DIAPH2: variants seen among roughly 807,000 people sequenced by gnomAD.
The protein encoded by DIAPH2 is protein diaphanous homolog 2.
In DIAPH2, 35 loss-of-function variants were observed where a neutral mutation model predicts 92.7. The ratio of observed to expected loss-of-function variants is 0.38; its 90% CI spans 0.29 to 0.50. The LOEUF is 0.50. Among genes scored for constraint, DIAPH2 ranks in the 20% least tolerant of loss-of-function variants. The probability of loss-of-function intolerance (pLI) is 0.94; values close to 1 mark genes in which losing one functional copy is unlikely to be tolerated. For synonymous variants in DIAPH2, 301 were observed against 280.4 expected, an observed-to-expected ratio of 1.07 and a Z score of -0.73; for missense variants, 701 against 819.5, an observed-to-expected ratio of 0.86 and a Z score of 1.77.
intron 16 of DIAPH2, among the ~76,000 whole-genome samples, chrX:96,958,713 C>T: frequency 9.0e-6 from 1 of 111,408 alleles, no homozygotes; most frequent in African/African-American, 3.3e-5. Context: ...TAACCTATCT[C>T]TCTTCACCCT....
intron 19 of DIAPH2, among the ~76,000 whole-genome samples, chrX:97,098,120 A>C (rs192187982): frequency 2.7e-5 from 3 of 111,907 alleles, no homozygotes; most frequent in African/African-American, 9.7e-5. Flanking sequence ...AAGGGTACTT[A>C]TAGTAGGGGT....
chrX:97,547,694 C>T (rs1431710535), intron 26 of DIAPH2, among the ~76,000 whole-genome samples: 1 of 111,837 alleles, frequency 8.9e-6, no homozygotes, highest in African/African-American at 3.2e-5. Context: ...TTTTCTCCCT[C>T]GTGACGAACA....
At chrX:97,127,403 A>G (rs2067100776) in intron 21 of DIAPH2, among the ~76,000 whole-genome samples, 1 of 112,104 alleles carries the variant, frequency 8.9e-6, no homozygotes, top group African/African-American at 3.2e-5. Flanking sequence ...TGCTGAGGGA[A>G]GTGGAAAAGT....
intron 22 of DIAPH2, among the ~76,000 whole-genome samples, chrX:97,228,862 A>G (rs1409290901): frequency 8.9e-6 from 1 of 112,213 alleles, no homozygotes; most frequent in Non-Finnish European, 1.9e-5. Context: ...TGTGGGATCT[A>G]TGCATGAAAT....
At chrX:96,704,147 T>C (rs1416916960) in intron 1 of DIAPH2, among the ~76,000 whole-genome samples, 2 of 111,831 alleles carry the variant, frequency 1.8e-5, no homozygotes, top group East Asian at 5.6e-4. Context: ...TCACAAGGTA[T>C]AGGCTGGGAA....
intron 26 of DIAPH2, among the ~76,000 whole-genome samples, chrX:97,558,127 A>G (rs189739145): frequency 6.2e-5 from 7 of 112,068 alleles, no homozygotes; most frequent in African/African-American, 2.3e-4. Context: ...GAATTCAAAG[A>G]CATGACAAGG....
rs2063762551 is a variant in DIAPH2, at chrX:96,684,894, G to T, written c.-165G>T. 3.4e-6 allele frequency: 2 copies of T among 581,814 alleles called. No homozygotes were observed. The highest frequency in any genetic ancestry group is 4.5e-5 in the East Asian group (1 of 21,993). The allele number at this position is 581,814 out of a possible 1,213,427, so 47.9% of individuals were successfully genotyped here. A position where few individuals can be genotyped will look rare whatever the true frequency, so the allele number is the denominator to read the frequency against. On this transcript the variant is annotated 5_prime_UTR_variant, in exon 1 of 27. Transcript: ENST00000324765. ...GTGGTTGCGTCGGGGGTGCCTGGGA[G>T]CCTGGAGTCCCGGGGGCCTGAAATC...
intron 26 of DIAPH2, among the ~76,000 whole-genome samples, chrX:97,490,735 A>G (rs927840559): frequency 2.7e-5 from 3 of 109,856 alleles, no homozygotes; most frequent in African/African-American, 1.0e-4. Context: ...TTCTGCTATT[A>G]ATTTCTAGTT....
intron 4 of DIAPH2, among the ~76,000 whole-genome samples, chrX:96,847,191 G>A (rs748496808): frequency 2.4e-4 from 27 of 111,840 alleles, no homozygotes; most frequent in Non-Finnish European, 4.3e-4. Context: ...CTAAAGAGTT[G>A]TGTAGAAGAA....
rs770225880 is a variant in DIAPH2, at chrX:97,062,858, C to A, written c.2051-10083C>A. Among the ~76,000 whole-genome samples, 7 of 107,053 alleles carry A rather than the reference C, an allele frequency of 6.5e-5. No individual in the cohort carries two copies. The South Asian group carries it at 3.0e-3, about 47-fold the overall frequency. The allele number at this position is 107,053 out of a possible 115,157, so 93.0% of individuals were successfully genotyped here. A position where few individuals can be genotyped will look rare whatever the true frequency, so the allele number is the denominator to read the frequency against. On this transcript the variant is annotated intron_variant, in intron 17 of 26. Transcript: ENST00000324765. The stretch of plus-strand genomic sequence containing the variant: ...GACCAGCCTGGCCAACATGGTGAAA[C>A]CCAGTCTCTACCAAAAATGAAAAAA...
rs757068190 is a variant in DIAPH2 at position 97,080,967 on chromosome X, G to A, written c.2247+5706G>A. Among the ~76,000 whole-genome samples the A allele has an allele frequency of 4.5e-5, 5 of 111,756 alleles. No homozygotes were observed. In the South Asian group the frequency reaches 1.9e-3, roughly 42 times the overall value. On this transcript the variant is annotated intron_variant, in intron 19 of 26. Transcript: ENST00000324765. ...CTGCATGTGTGCGTGCACTTTACGA[G>A]GGTTGATGACTTTAGAAGACTACAA...
intron 25 of DIAPH2, among the ~76,000 whole-genome samples, chrX:97,422,530 A>ATTGG (rs2070019898): frequency 1.8e-5 from 2 of 112,123 alleles, no homozygotes; most frequent in South Asian, 7.4e-4. Flanking sequence ...TTTAACAGTG[A>ATTGG]TTGGTTCATA....
At chrX:97,160,171 G>A (rs2067358105) in intron 22 of DIAPH2, among the ~76,000 whole-genome samples, 1 of 111,664 alleles carries the variant, frequency 9.0e-6, no homozygotes, top group Admixed American at 9.5e-5. Context: ...TCATAAGGAT[G>A]TGTAACTGCT....
intron 17 of DIAPH2, among the ~76,000 whole-genome samples, chrX:96,990,010 C>A (rs1313227180): frequency 8.9e-6 from 1 of 112,040 alleles, no homozygotes; most frequent in African/African-American, 3.2e-5. Flanking sequence ...ACAAACACAT[C>A]TTTTAATTTA....
chrX:97,040,105 ATTTATTGTGTGG>A (rs2147885581), intron 17 of DIAPH2, among the ~76,000 whole-genome samples: 1 of 109,455 alleles, frequency 9.1e-6, no homozygotes, highest in South Asian at 3.9e-4. Flanking sequence ...TTATTGTGTG[ATTTATTGTGTGG>A]TTCTTTTTTG....
intron 22 of DIAPH2, among the ~76,000 whole-genome samples, chrX:97,241,300 C>CTT (rs1214338958): frequency 2.9e-5 from 3 of 103,526 alleles, no homozygotes; most frequent in African/African-American, 1.0e-4. Flanking sequence ...ATGACTAATT[C>CTT]TTTTTTTTTT....
chrX:97,360,015 T>C (rs950364114), intron 24 of DIAPH2, among the ~76,000 whole-genome samples: 1 of 112,057 alleles, frequency 8.9e-6, no homozygotes, highest in African/African-American at 3.2e-5. Context: ...AGAGAATACA[T>C]AGTATTCCTG....
intron 26 of DIAPH2, among the ~76,000 whole-genome samples, chrX:97,558,786 G>C (rs1005148963): frequency 1.3e-4 from 14 of 111,631 alleles, no homozygotes; most frequent in Admixed American, 3.8e-4. Context: ...AATGAAAACA[G>C]GCTACTTCAA....
intron 17 of DIAPH2, among the ~76,000 whole-genome samples, chrX:97,001,472 GTC>G (rs375769403): frequency 8.1e-5 from 9 of 110,800 alleles, no homozygotes; most frequent in African/African-American, 2.9e-4. Context: ...GTGAAACCCT[GTC>G]TCTACTAAAA....
Sources: gnomAD v4.1 joint callset for allele counts (sites outside exome capture counted in the v4.1 genomes callset) on GRCh38, gnomAD v4.1.1 for gene constraint, MANE v1.5 for transcripts, NCBI Gene and HGNC (gene_info 2026-07-23, HGNC 2026-07-21) for gene names.